Variants in CACNA1D observed in about 807,000 individuals in gnomAD.
CACNA1D encodes voltage-dependent L-type calcium channel subunit alpha-1D.
A neutral mutation model predicts 257.1 loss-of-function variants in CACNA1D; 55 were observed. The ratio of observed to expected loss-of-function variants is 0.21; its 90% CI spans 0.17 to 0.27. CACNA1D has a LOEUF of 0.27. Among genes scored for constraint, CACNA1D ranks in the 10% least tolerant of loss-of-function variants. The pLI is 1.00. For missense variants in CACNA1D, 1,876 were observed against 2,784.0 expected (o/e 0.67, Z 7.34); for synonymous variants, 980 against 1,014.9 (o/e 0.97, Z 0.65).
intron 40 of CACNA1D, among the ~76,000 whole-genome samples, chr3:53,794,332 C>T (rs1251047604): frequency 6.6e-6 from 1 of 152,030 alleles, no homozygotes; most frequent in Non-Finnish European, 1.5e-5. Context: ...GGGTAGAAAC[C>T]CAGGTGAGTT....
At chr3:53,540,896 C>T (rs1395313235) in intron 3 of CACNA1D, among the ~76,000 whole-genome samples, 1 of 152,098 alleles carries the variant, frequency 6.6e-6, no homozygotes, top group East Asian at 1.9e-4. Context: ...TGCACACCAC[C>T]ATGCCTGGCT....
At chr3:53,778,926 G>A (rs528535024) in intron 37 of CACNA1D, among the ~76,000 whole-genome samples, 13 of 152,352 alleles carry the variant, frequency 8.5e-5, no homozygotes, top group East Asian at 5.8e-4. Flanking sequence ...AATGGATCCC[G>A]TCGGTTGAGA....
intron 20 of CACNA1D, among the ~76,000 whole-genome samples, chr3:53,736,228 C>G (rs548182177): frequency 7.2e-5 from 11 of 152,192 alleles, no homozygotes; most frequent in African/African-American, 2.7e-4. Context: ...GCAGTCCCAG[C>G]TACTCAGGAG....
chr3:53,645,556 C>T (rs1421224214), intron 3 of CACNA1D, among the ~76,000 whole-genome samples: 1 of 152,054 alleles, frequency 6.6e-6, no homozygotes, highest in African/African-American at 2.4e-5. Flanking sequence ...TTTACCGTAC[C>T]CCTTATTGAA....
At chr3:53,577,137 C>T (rs2093051646) in intron 3 of CACNA1D, among the ~76,000 whole-genome samples, 2 of 152,212 alleles carry the variant, frequency 1.3e-5, no homozygotes, top group Non-Finnish European at 2.9e-5. Context: ...GTTTACTGGC[C>T]ATGTGGTCTG....
At chr3:53,747,837 G>A (rs1035000568) in intron 26 of CACNA1D, among the ~76,000 whole-genome samples, 7 of 151,926 alleles carry the variant, frequency 4.6e-5, no homozygotes, top group Non-Finnish European at 5.9e-5. Flanking sequence ...TCCCAGTTGC[G>A]GACAGTTGCT....
At chr3:53,742,695 C>T (rs1262987854) in intron 21 of CACNA1D, among the ~76,000 whole-genome samples, 1 of 152,184 alleles carries the variant, frequency 6.6e-6, no homozygotes, top group Non-Finnish European at 1.5e-5. Flanking sequence ...TACCTTTTGA[C>T]GAATGTAGTC....
At chr3:53,709,512 A>G (rs2094726724) in intron 9 of CACNA1D, among the ~76,000 whole-genome samples, 1 of 152,222 alleles carries the variant, frequency 6.6e-6, no homozygotes, top group South Asian at 2.1e-4. Context: ...GAAAGGATGC[A>G]CATTTTAGGA....
intron 3 of CACNA1D, among the ~76,000 whole-genome samples, chr3:53,611,509 G>T (rs574737584): frequency 1.3e-5 from 2 of 152,006 alleles, no homozygotes; most frequent in Non-Finnish European, 2.9e-5. Context: ...TTAGTGAGAG[G>T]TTTTCTTTGT....
chr3:53,571,460 A>G (rs1448453820), intron 3 of CACNA1D, among the ~76,000 whole-genome samples: 2 of 152,142 alleles, frequency 1.3e-5, no homozygotes, highest in Non-Finnish European at 2.9e-5. Flanking sequence ...GCCCAGCTCC[A>G]TGGATTGTTT....
chr3:53,809,099 G>T, intron 46 of CACNA1D: 1 of 323,392 alleles, frequency 3.1e-6, no homozygotes, highest in African/African-American at 2.1e-5. Flanking sequence ...CAGGGAGTGG[G>T]GGCCACTTGG....
intron 8 of CACNA1D, among the ~76,000 whole-genome samples, chr3:53,691,841 CATATATAAT>C (rs1559522821): frequency 4.6e-5 from 4 of 87,694 alleles, no homozygotes; most frequent in East Asian, 2.9e-4. Flanking sequence ...ATATATATTA[CATATATAAT>C]ATATAATATA....
chr3:53,729,717 GA>G (rs1309303200), intron 15 of CACNA1D, among the ~76,000 whole-genome samples: 1 of 152,148 alleles, frequency 6.6e-6, no homozygotes, highest in Non-Finnish European at 1.5e-5. Flanking sequence ...TTTTTAACTG[GA>G]ACTGCAATGA....
At chr3:53,708,357 G>A (rs529135091) in intron 9 of CACNA1D, among the ~76,000 whole-genome samples, 9 of 152,190 alleles carry the variant, frequency 5.9e-5, no homozygotes, top group Non-Finnish European at 1.3e-4. Context: ...GTAAATATGC[G>A]TCCAGGTCAA....
In CACNA1D at chr3:53,665,719, C is replaced by T. The variant is rs773492280; in HGVS notation, c.826C>T (p.Leu276Phe). The change falls in exon 6 of 48, where the codon CTT becomes TTT. Residue 276 changes from leucine to phenylalanine, a missense_variant. Around this residue, in one of 10 missense-constraint regions of CACNA1D, gnomAD observed 188 missense variants for 390.4 expected, o/e 0.48. Transcript: ENST00000350061. ...KAMVPLLHIALLVLFVIIIYA... is the reference protein window; with the variant it reads ...KAMVPLLHIAFLVLFVIIIYA... ...CATGGTTCCCCTCCTTCACATAGCC[C>T]TTTTGGTATTATTTGTAATCATAAT... The T allele has an allele frequency of 6.2e-7, 1 of 1,607,386 alleles. No individual in the cohort carries two copies. The highest frequency in any genetic ancestry group is 2.2e-5 in the East Asian group (1 of 44,790).
intron 9 of CACNA1D, 80 bp downstream of exon 9, chr3:53,702,890 C>T (rs1010274418): frequency 2.0e-5 from 29 of 1,486,068 alleles, no homozygotes; most frequent in Non-Finnish European, 2.7e-5. Context: ...TTCCTCGACT[C>T]TGACCCAGGC....
rs1365942695 is a variant in CACNA1D at position 53,793,359 on chromosome 3, CTCTG to C, written c.4923+6415_4923+6418del. On this transcript the variant is annotated intron_variant, in intron 40 of 47. Transcript: ENST00000350061. This position sits in a 1 kb window ranked among gnomAD's most constrained non-coding sequence, Gnocchi z 4.1. ...CAGTCCTGTGGGGGTCCGTCAGTCC[CTCTG>C]TCTGTCTTTGACCCACCCGACGTTG... Among the ~76,000 whole-genome samples, 3 of 152,218 alleles carry C rather than the reference CTCTG, an allele frequency of 2.0e-5. No individual in the cohort carries two copies. The highest frequency in any genetic ancestry group is 6.5e-5 in the Admixed American group (1 of 15,280).
rs763123409 is a variant in CACNA1D at position 53,586,900 on chromosome 3, G to C, written c.484-63879G>C. ...TACAAGGACAAATAAGAGACGCTGG[G>C]GGGGTAATGTGGGAGAAACCTAACC... On this transcript the variant is annotated intron_variant, in intron 3 of 47. Coordinates refer to ENST00000350061, the MANE Select transcript of CACNA1D (RefSeq NM_001128840.3). 3.3e-5 allele frequency among the ~76,000 whole-genome samples: 5 copies of C among 152,254 alleles called. 1 individual carries two copies. Among genetic ancestry groups the C allele is most frequent in the Middle Eastern group, 3.4e-3 (1 of 294 alleles).
chr3:53,571,262 G>C (rs770117827), intron 3 of CACNA1D, among the ~76,000 whole-genome samples: 2 of 152,170 alleles, frequency 1.3e-5, no homozygotes, highest in Non-Finnish European at 2.9e-5. Flanking sequence ...TTTCTCTCTG[G>C]TGATGTGATT....
Sources: gnomAD v4.1 joint callset for allele counts (sites outside exome capture counted in the v4.1 genomes callset) on GRCh38, gnomAD v4.1.1 for gene constraint, gnomAD v4.1.1 regional missense constraint, Gnocchi (gnomAD v3.1) non-coding constraint, MANE v1.5 for transcripts, NCBI Gene and HGNC (gene_info 2026-07-23, HGNC 2026-07-21) for gene names.